TENM3: variants seen among roughly 807,000 people sequenced by gnomAD.
The protein encoded by TENM3 is teneurin-3.
Under a neutral mutation model 255.1 loss-of-function variants are expected in TENM3, and 63 were observed. The ratio of observed to expected loss-of-function variants is 0.25; its 90% confidence interval spans 0.20 to 0.30. TENM3 has a LOEUF of 0.30. Among genes scored for constraint, TENM3 ranks in the 10% least tolerant of loss-of-function variants. TENM3 has a pLI of 1.00. For missense variants in TENM3, 2,929 were observed against 3,461.1 expected (o/e 0.85, Z 3.86); for synonymous variants, 1,306 against 1,322.3 (o/e 0.99, Z 0.27).
At chr4:181,908,894 G>A in the TENM3 span, among the ~76,000 whole-genome samples, 1 of 152,138 alleles carries the variant, frequency 6.6e-6, no homozygotes, top group African/African-American at 2.4e-5. Context: ...TTTGGCCTGT[G>A]GGAAAAAGAA....
the TENM3 span, among the ~76,000 whole-genome samples, chr4:181,620,061 G>A: frequency 6.6e-6 from 1 of 152,206 alleles, no homozygotes; most frequent in African/African-American, 2.4e-5. Context: ...AGGAGTTTCT[G>A]TCCAGCCTGG....
the TENM3 span, among the ~76,000 whole-genome samples, chr4:181,907,100 G>T: frequency 1.3e-5 from 2 of 152,106 alleles, no homozygotes; most frequent in Admixed American, 1.3e-4. Flanking sequence ...TGGCCAGGCT[G>T]GTCTCGAACT....
At chr4:181,506,681 G>A in the TENM3 span, among the ~76,000 whole-genome samples, 3 of 151,650 alleles carry the variant, frequency 2.0e-5, no homozygotes, top group Admixed American at 2.0e-4. Context: ...AAATCTCAGG[G>A]ATTGAAGGAC....
chr4:182,695,528 A>T (rs1757336267), intron 12 of TENM3, among the ~76,000 whole-genome samples: 1 of 152,152 alleles, frequency 6.6e-6, no homozygotes, highest in African/African-American at 2.4e-5. Context: ...TTAATGGGAT[A>T]TGCATATGAG....
At chr4:182,751,240 A>G (rs753489637) in intron 19 of TENM3, among the ~76,000 whole-genome samples, 1 of 151,934 alleles carries the variant, frequency 6.6e-6, no homozygotes, top group South Asian at 2.1e-4. Flanking sequence ...ATTTAACCCC[A>G]TAGGACAGAC....
chr4:181,723,438 A>G, the TENM3 span, among the ~76,000 whole-genome samples: 1 of 151,804 alleles, frequency 6.6e-6, no homozygotes, highest in Non-Finnish European at 1.5e-5. Flanking sequence ...CAGTAGCTTA[A>G]TCAGAAAGGA....
the TENM3 span, among the ~76,000 whole-genome samples, chr4:181,766,998 A>G: frequency 6.6e-6 from 1 of 150,920 alleles, no homozygotes; most frequent in Admixed American, 6.6e-5. Flanking sequence ...CACGCCTGTA[A>G]TCCCAGCACT....
chr4:182,271,661 G>A (rs1348403915), intron 1 of TENM3, among the ~76,000 whole-genome samples: 1 of 152,172 alleles, frequency 6.6e-6, no homozygotes, highest in Non-Finnish European at 1.5e-5. Flanking sequence ...AATCCTATAA[G>A]CAGTGGCGAT....
chr4:181,455,213 A>T, the TENM3 span, among the ~76,000 whole-genome samples: 1 of 152,144 alleles, frequency 6.6e-6, no homozygotes, highest in Non-Finnish European at 1.5e-5. Context: ...CCAATGCAAG[A>T]GAGAGGCAGC....
At chr4:181,641,843 T>TATATGC in the TENM3 span, among the ~76,000 whole-genome samples, 1 of 102,414 alleles carries the variant, frequency 9.8e-6, no homozygotes, top group South Asian at 3.2e-4. Context: ...TATATATATA[T>TATATGC]GCCACATTTT....
the TENM3 span, among the ~76,000 whole-genome samples, chr4:181,939,936 T>C: frequency 6.6e-6 from 1 of 152,214 alleles, no homozygotes; most frequent in South Asian, 2.1e-4. Flanking sequence ...GTCTCCATAA[T>C]AAAGACTTTC....
At chr4:182,047,143 G>A in the TENM3 span, among the ~76,000 whole-genome samples, 1 of 152,122 alleles carries the variant, frequency 6.6e-6, no homozygotes, top group South Asian at 2.1e-4. Context: ...TAAATAGGAG[G>A]GTTAGAAGGG....
At chr4:182,344,879 C>T (rs1252574957) in intron 2 of TENM3, among the ~76,000 whole-genome samples, 1 of 152,104 alleles carries the variant, frequency 6.6e-6, no homozygotes, top group Admixed American at 6.5e-5. Flanking sequence ...GGACACTGAC[C>T]TTGTTCAGAT....
At chr4:182,391,858 T>C (rs1053325881) in intron 3 of TENM3, among the ~76,000 whole-genome samples, 3 of 151,930 alleles carry the variant, frequency 2.0e-5, no homozygotes, top group African/African-American at 7.3e-5. Flanking sequence ...CTTCTTCCTC[T>C]ACAAAATGGG....
chr4:181,662,248 T>C, the TENM3 span, among the ~76,000 whole-genome samples: 1 of 152,214 alleles, frequency 6.6e-6, no homozygotes, highest in South Asian at 2.1e-4. Flanking sequence ...CAAATCTAAA[T>C]AAAGGCAAGG....
the TENM3 span, among the ~76,000 whole-genome samples, chr4:181,459,204 G>T: frequency 6.6e-6 from 1 of 151,704 alleles, no homozygotes; most frequent in Non-Finnish European, 1.5e-5. Flanking sequence ...AGCTTCTTTT[G>T]TAAAGTACCT....
intron 1 of TENM3, among the ~76,000 whole-genome samples, chr4:182,267,558 A>T (rs1759321316): frequency 6.6e-6 from 1 of 152,220 alleles, no homozygotes; most frequent in East Asian, 1.9e-4. Flanking sequence ...TCACTTTCTA[A>T]CAAGTCCAGA....
chr4:182,056,472 G>A, the TENM3 span, among the ~76,000 whole-genome samples: 1 of 152,124 alleles, frequency 6.6e-6, no homozygotes, highest in Non-Finnish European at 1.5e-5. Context: ...TGGTAAAAGA[G>A]TCTAACTTAG....
chr4:182,137,450 T>A, the TENM3 span, among the ~76,000 whole-genome samples: 1 of 152,206 alleles, frequency 6.6e-6, no homozygotes, highest in Non-Finnish European at 1.5e-5. Flanking sequence ...TGCTATTTGA[T>A]GAAAGCGGTG....
Sources: allele counts gnomAD v4.1 joint callset (sites outside exome capture counted in the v4.1 genomes callset), GRCh38; gene constraint gnomAD v4.1.1; transcripts MANE v1.5; gene names NCBI Gene and HGNC (gene_info 2026-07-23, HGNC 2026-07-21).